Variants in RPA3 observed in about 807,000 individuals in gnomAD.
RPA3 encodes the protein replication protein A3, also known as replication protein A 14 kDa subunit.
In RPA3, 24 loss-of-function variants were observed where a neutral mutation model predicts 13.7. The ratio of observed to expected loss-of-function variants is 1.75; its 90% CI spans 1.27 to 2.46. The LOEUF (loss-of-function observed/expected upper bound fraction) is 2.46. RPA3 is among the 30% of genes most tolerant of loss of function. The pLI is 0.00. For missense variants in RPA3, 183 were observed against 151.0 expected, an observed-to-expected ratio of 1.21 and a Z score of -1.11; for synonymous variants, 59 against 51.2, an observed-to-expected ratio of 1.15 and a Z score of -0.65.
At position 7,638,258 on chromosome 7, in the gene RPA3, A is replaced by G. The variant is rs1784897051; in HGVS notation, c.175-286T>C. The stretch of plus-strand genomic sequence containing the variant: ...AACGTCCAGCATTTCTATAAGCAGT[A>G]ATATCCTATGAGAGGAATCTTCTAT... On this transcript the variant is annotated intron_variant, in intron 6 of 7. Coordinates refer to ENST00000223129, the MANE Select transcript of RPA3 (RefSeq NM_002947.5). The G allele has an allele frequency of 1.1e-5, 3 of 282,902 alleles. No homozygotes were observed. The South Asian group carries it at 1.4e-4, about 13-fold the overall frequency. 17.5% of individuals were successfully genotyped at this position (282,902 alleles called of 1,614,324 possible). A position where few individuals can be genotyped will look rare whatever the true frequency, so the allele number is the denominator to read the frequency against.
chr7:7,673,756 T>C (rs941435683), intron 4 of RPA3, among the ~76,000 whole-genome samples: 1 of 152,002 alleles, frequency 6.6e-6, no homozygotes, highest in Non-Finnish European at 1.5e-5. Flanking sequence ...CAAGAATCCT[T>C]GATGAATTCA....
intron 2 of RPA3, among the ~76,000 whole-genome samples, chr7:7,691,539 G>A (rs1285783711): frequency 6.6e-6 from 1 of 152,138 alleles, no homozygotes; most frequent in Non-Finnish European, 1.5e-5. Flanking sequence ...ATTACATTTC[G>A]AAGGAGAAGA....
At chr7:7,657,158 G>C (rs1297131581) in intron 4 of RPA3, among the ~76,000 whole-genome samples, 1 of 151,884 alleles carries the variant, frequency 6.6e-6, no homozygotes, top group African/African-American at 2.4e-5. Flanking sequence ...CTTTTTGATG[G>C]GGTTGTTTTT....
chr7:7,656,512 T>C (rs1785347099), intron 4 of RPA3, among the ~76,000 whole-genome samples: 1 of 152,146 alleles, frequency 6.6e-6, no homozygotes, highest in Non-Finnish European at 1.5e-5. Context: ...TTCCCCTCCC[T>C]GTGTCCATGT....
chr7:7,710,689 C>T (rs1189894327), intron 2 of RPA3, among the ~76,000 whole-genome samples: 1 of 152,190 alleles, frequency 6.6e-6, no homozygotes, highest in Admixed American at 6.5e-5. Flanking sequence ...AGCAATTACA[C>T]TTTGGGCATT....
In RPA3 at chr7:7,640,709, G is replaced by T. The variant is rs1021616037; in HGVS notation, c.-291C>A. The stretch of plus-strand genomic sequence containing the variant: ...TGGAGGCGGGACTTGGATAGGGGCG[G>T]AACCTGAGACTACCTTTCTGCGATC... On this transcript the variant is annotated 5_prime_UTR_variant, in exon 5 of 8. Coordinates refer to ENST00000223129, the MANE Select transcript of RPA3 (RefSeq NM_002947.5). The T allele has an allele frequency of 2.6e-6, 1 of 387,982 alleles. No individual in the cohort carries two copies. The highest frequency in any genetic ancestry group is 4.7e-6 in the Non-Finnish European group (1 of 212,578). The allele number at this position is 387,982 out of a possible 1,614,324, so 24.0% of individuals were successfully genotyped here.
Position 7,696,843 on chromosome 7 carries a change from T to C in RPA3, c.-1027-9515A>G, listed in dbSNP as rs141682546. 2.7e-3 allele frequency among the ~76,000 whole-genome samples: 412 copies of C among 152,126 alleles called. 1 individual carries two copies. Among genetic ancestry groups the C allele is most frequent in the African/African-American group, 9.1e-3 (379 of 41,532 alleles). On this transcript the variant is annotated intron_variant, in intron 2 of 7. Transcript: ENST00000223129. Reference sequence around the variant, plus strand: ...TTCTCTCTTTTTCTTTCTTCTTCTTTTTTTTTTTAAAGGCTGCCCTTTTCA... The same window carrying C: ...TTCTCTCTTTTTCTTTCTTCTTCTTCTTTTTTTTAAAGGCTGCCCTTTTCA...
chr7:7,673,796 G>A (rs1278948443), intron 4 of RPA3, among the ~76,000 whole-genome samples: 2 of 151,178 alleles, frequency 1.3e-5, no homozygotes, highest in African/African-American at 2.4e-5. Context: ...TACTAACCTT[G>A]TTTCATAAAT....
chr7:7,656,392 G>C (rs559257147), intron 4 of RPA3, among the ~76,000 whole-genome samples: 3 of 151,772 alleles, frequency 2.0e-5, no homozygotes, highest in Non-Finnish European at 2.9e-5. Flanking sequence ...AGGTATACAC[G>C]TGCCATGGTG....
chr7:7,659,089 G>A (rs1047195380), intron 4 of RPA3, among the ~76,000 whole-genome samples: 8 of 152,162 alleles, frequency 5.3e-5, no homozygotes, highest in Non-Finnish European at 8.8e-5. Context: ...TAGTTTATTT[G>A]CGTAGCTTGT....
At chr7:7,677,268 T>C (rs1483674615) in intron 4 of RPA3, among the ~76,000 whole-genome samples, 2 of 152,176 alleles carry the variant, frequency 1.3e-5, no homozygotes, top group African/African-American at 2.4e-5. Flanking sequence ...TTCCACTCTT[T>C]TAGTTATTTA....
intron 4 of RPA3, among the ~76,000 whole-genome samples, chr7:7,662,975 C>CA (rs1231447319): frequency 6.6e-6 from 1 of 150,482 alleles, no homozygotes; most frequent in East Asian, 2.0e-4. Context: ...ATAATTTTCT[C>CA]AAAAAAATTT....
Position 7,637,935 on chromosome 7 carries a change from C to T in RPA3, c.212G>A (p.Gly71Glu), listed in dbSNP as rs1200283588. ...GATGGTGGCCTTGGCGGTTACTCTTCCAACCACTTCCACAATTCCAGAGAT... is the reference window on the plus strand; with the variant it reads ...GATGGTGGCCTTGGCGGTTACTCTTTCAACCACTTCCACAATTCCAGAGAT... ...EEISGIVEVV[G>E]RVTAKATILC... The change falls in exon 7 of 8, where the codon GGA becomes GAA. Residue 71 changes from glycine (G) to glutamate (E), a missense_variant. Coordinates refer to ENST00000223129, the MANE Select transcript of RPA3 (RefSeq NM_002947.5). 2.5e-6 allele frequency: 4 copies of T among 1,613,528 alleles called. No individual in the cohort carries two copies. The highest frequency in any genetic ancestry group is 2.5e-6 in the Non-Finnish European group (3 of 1,179,756).
chr7:7,688,220 A>G (rs566562814), intron 2 of RPA3, among the ~76,000 whole-genome samples: 28 of 152,188 alleles, frequency 1.8e-4, no homozygotes, highest in African/African-American at 3.1e-4. Context: ...ACTTTTTTAG[A>G]TGTTGCTTTG....
intron 2 of RPA3, among the ~76,000 whole-genome samples, chr7:7,697,955 T>G (rs187821068): frequency 4.6e-5 from 7 of 152,296 alleles, no homozygotes; most frequent in African/African-American, 1.4e-4. Context: ...ATAAAAACTT[T>G]GGGGAGTTGC....
At position 7,637,946 on chromosome 7, in the gene RPA3, C is replaced by T; in HGVS notation, c.201G>A (p.Val67=). The T allele has an allele frequency of 6.2e-7, 1 of 1,613,512 alleles. No individual in the cohort carries two copies. Residue 67 remains valine (V), a synonymous_variant, in exon 7 of 8, where the codon GTG becomes GTA. Coordinates refer to ENST00000223129, the MANE Select transcript of RPA3 (RefSeq NM_002947.5). ...EPLDEEISGI[V]EVVGRVTAKA... ...TGGCGGTTACTCTTCCAACCACTTC[C>T]ACAATTCCAGAGATTTCTTCATCAA...
At chr7:7,637,224 C>G (rs922085084) in intron 7 of RPA3, 142 bp from the exon 8 acceptor site, 4 of 646,544 alleles carry the variant, frequency 6.2e-6, no homozygotes, top group African/African-American at 5.5e-5. Context: ...ATTATGGATT[C>G]TTGTATTTAA....
chr7:7,693,033 T>A (rs1254196318), intron 2 of RPA3, among the ~76,000 whole-genome samples: 2 of 152,202 alleles, frequency 1.3e-5, no homozygotes, highest in Non-Finnish European at 2.9e-5. Context: ...TAATTTAATC[T>A]TTTTTCTTCC....
At chr7:7,651,371 T>C (rs749153856) in intron 4 of RPA3, among the ~76,000 whole-genome samples, 1 of 152,014 alleles carries the variant, frequency 6.6e-6, no homozygotes, top group Non-Finnish European at 1.5e-5. Context: ...GGATGGAGGG[T>C]GTGGCAGGCC....
Sources: allele counts gnomAD v4.1 joint callset (sites outside exome capture counted in the v4.1 genomes callset), GRCh38; gene constraint gnomAD v4.1.1; transcripts MANE v1.5; gene names NCBI Gene and HGNC (gene_info 2026-07-23, HGNC 2026-07-21).